TRMT11: variants seen among roughly 807,000 people sequenced by gnomAD.
TRMT11 encodes tRNA methyltransferase 11, also known as tRNA (guanine(10)-N(2))-methyltransferase TRMT11.
A neutral mutation model predicts 62.8 loss-of-function variants in TRMT11; 53 were observed. That is an observed-to-expected ratio of 0.84 (90% confidence interval 0.68 to 1.06). The LOEUF is 1.06. Ranked by LOEUF, TRMT11 falls within the 50% of genes least tolerant of loss-of-function variation. The pLI, the probability that TRMT11 is intolerant of heterozygous loss-of-function variation, is 0.00. For synonymous variants in TRMT11, 188 were observed against 190.3 expected (o/e 0.99, Z 0.10); for missense variants, 556 against 553.4 (o/e 1.00, Z -0.05).
chr6:126,139,537 T>G (rs1054520247), intron 21 of TRMT11, among the ~76,000 whole-genome samples: 2 of 151,920 alleles, frequency 1.3e-5, no homozygotes, highest in Admixed American at 6.6e-5. Flanking sequence ...CCTGGCTAAT[T>G]TTTGTATTTT....
rs1034707200 is a variant in TRMT11, at chr6:126,059,000, G to A, written c.*1437+5810G>A. On this transcript the variant is annotated intron_variant and NMD_transcript_variant, in intron 17 of 22. Coordinates refer to the TRMT11 transcript ENST00000648977. ...CTTGTATTCCCCTGGAGACTGAATC[G>A]AAGAATGAATTGGCTCCTTGCACCT... Among the ~76,000 whole-genome samples, 3 of 151,284 alleles carry A rather than the reference G, an allele frequency of 2.0e-5. No homozygotes were observed. In the East Asian group the frequency reaches 5.8e-4, roughly 29 times the overall value.
intron 17 of TRMT11, among the ~76,000 whole-genome samples, chr6:126,066,293 T>C (rs1562313150): frequency 6.6e-6 from 1 of 152,206 alleles, no homozygotes; most frequent in Non-Finnish European, 1.5e-5. Flanking sequence ...TTACATGGAC[T>C]GTCACTCAGT....
chr6:126,058,068 C>T (rs1776421851), intron 17 of TRMT11, among the ~76,000 whole-genome samples: 1 of 152,020 alleles, frequency 6.6e-6, no homozygotes, highest in Admixed American at 6.6e-5. Context: ...CAGCCCGACA[C>T]TACATTAGGT....
chr6:126,139,306 G>A (rs1777887618), intron 21 of TRMT11, among the ~76,000 whole-genome samples: 1 of 151,856 alleles, frequency 6.6e-6, no homozygotes, highest in African/African-American at 2.4e-5. Context: ...TTGAGAAGTA[G>A]CAACAGCATT....
intron 17 of TRMT11, among the ~76,000 whole-genome samples, chr6:126,104,926 C>T (rs1200014385): frequency 6.6e-6 from 1 of 152,172 alleles, no homozygotes; most frequent in African/African-American, 2.4e-5. Flanking sequence ...GCTTATTTGT[C>T]ATACACCTTC....
At chr6:126,123,254 G>C (rs1287436184) in intron 21 of TRMT11, among the ~76,000 whole-genome samples, 2 of 152,066 alleles carry the variant, frequency 1.3e-5, no homozygotes, top group Non-Finnish European at 2.9e-5. Context: ...TTGAGCCAAA[G>C]TATTCCAATA....
chr6:126,050,261 C>G (rs1386783875), intron 16 of TRMT11, among the ~76,000 whole-genome samples: 1 of 143,796 alleles, frequency 7.0e-6, no homozygotes, highest in Non-Finnish European at 1.5e-5. Flanking sequence ...ATCTGGGAGG[C>G]AGAGGTTGCA....
chr6:126,247,165 G>T, the TRMT11 span, among the ~76,000 whole-genome samples: 23 of 152,144 alleles, frequency 1.5e-4, no homozygotes, highest in African/African-American at 5.3e-4. Context: ...AGACTTGTGG[G>T]CTCAAAGCTT....
At chr6:126,006,128 C>T (rs942173144) in intron 7 of TRMT11, among the ~76,000 whole-genome samples, 1 of 151,866 alleles carries the variant, frequency 6.6e-6, no homozygotes, top group Non-Finnish European at 1.5e-5. Flanking sequence ...CATTTTTTTC[C>T]CACTACCCTT....
the TRMT11 span, among the ~76,000 whole-genome samples, chr6:126,208,820 A>T: frequency 6.6e-6 from 1 of 152,272 alleles, no homozygotes; most frequent in African/African-American, 2.4e-5. Context: ...GGCAATGAAC[A>T]TTCCAGTCCT....
chr6:125,986,741 G>C, intron 1 of TRMT11, 119 bp downstream of exon 1: 1 of 990,514 alleles, frequency 1.0e-6, no homozygotes, highest in South Asian at 1.6e-5. Flanking sequence ...TCGCTGGTCT[G>C]CGCGGGTCAC....
chr6:125,998,198 A>G, intron 4 of TRMT11, 25 bp from the exon 5 acceptor site: 1 of 1,597,800 alleles, frequency 6.3e-7, no homozygotes, highest in Non-Finnish European at 8.6e-7. Flanking sequence ...AAAATACTCA[A>G]AAAACTGATT....
At chr6:126,025,398 T>A (rs1400941345) in intron 12 of TRMT11, among the ~76,000 whole-genome samples, 2 of 152,154 alleles carry the variant, frequency 1.3e-5, no homozygotes, top group Non-Finnish European at 2.9e-5. Context: ...AGGTTTACTT[T>A]TTATCATTTT....
chr6:126,011,188 C>A, intron 8 of TRMT11, 65 bp from the exon 9 acceptor site: 4 of 1,387,240 alleles, frequency 2.9e-6, no homozygotes, highest in Admixed American at 2.5e-5. Context: ...ATTACTTTTC[C>A]TAAATGACAG....
intron 17 of TRMT11, among the ~76,000 whole-genome samples, chr6:126,089,598 A>G (rs959412008): frequency 3.3e-5 from 5 of 152,324 alleles, no homozygotes; most frequent in Admixed American, 2.0e-4. Context: ...TGTCCTCTGC[A>G]CTGTGCTCCC....
the TRMT11 span, among the ~76,000 whole-genome samples, chr6:126,246,086 G>A: frequency 8.7e-4 from 132 of 152,090 alleles, 1 homozygote; most frequent in Non-Finnish European, 1.7e-3. Flanking sequence ...TTTGAGACCA[G>A]CCTGGGCAAC....
At chr6:126,164,291 G>A (rs1778233175) in intron 21 of TRMT11, among the ~76,000 whole-genome samples, 2 of 152,238 alleles carry the variant, frequency 1.3e-5, no homozygotes, top group African/African-American at 4.8e-5. Flanking sequence ...TGTGTTGAGT[G>A]AGTTTCTTAA....
intron 21 of TRMT11, among the ~76,000 whole-genome samples, chr6:126,158,139 G>A (rs988228725): frequency 5.9e-5 from 9 of 151,968 alleles, no homozygotes; most frequent in Non-Finnish European, 1.3e-4. Context: ...TGTTTAGTTT[G>A]AACATTTATA....
the TRMT11 span, among the ~76,000 whole-genome samples, chr6:126,237,202 C>T: frequency 6.6e-6 from 1 of 152,050 alleles, no homozygotes; most frequent in African/African-American, 2.4e-5. Flanking sequence ...TTTCAGTGCC[C>T]TATAAAACTA....
Sources: gnomAD v4.1 joint callset for allele counts (sites outside exome capture counted in the v4.1 genomes callset) on GRCh38, gnomAD v4.1.1 for gene constraint, MANE v1.5 for transcripts, NCBI Gene and HGNC (gene_info 2026-07-23, HGNC 2026-07-21) for gene names.